Variants in REDIC1 observed in about 807,000 individuals in gnomAD.
REDIC1 encodes the protein regulator of DNA class I crossover intermediates 1.
chr12:39,784,614 T>TA, the REDIC1 span, among the ~76,000 whole-genome samples: 2 of 152,084 alleles, frequency 1.3e-5, no homozygotes, highest in African/African-American at 4.8e-5. Flanking sequence ...CCTAAAACCA[T>TA]AAAAACCCTA....
the REDIC1 span, among the ~76,000 whole-genome samples, chr12:39,900,941 C>G: frequency 6.6e-6 from 1 of 152,180 alleles, no homozygotes; most frequent in Admixed American, 6.5e-5. Flanking sequence ...TCAAACTATA[C>G]CACAAGGCAA....
At chr12:39,704,719 A>G in the REDIC1 span, among the ~76,000 whole-genome samples, 1 of 152,262 alleles carries the variant, frequency 6.6e-6, no homozygotes, top group Non-Finnish European at 1.5e-5. Flanking sequence ...TGGCACATAT[A>G]GAGCATGGAA....
the REDIC1 span, chr12:39,760,236 A>G: frequency 2.5e-6 from 4 of 1,612,204 alleles, no homozygotes; most frequent in Non-Finnish European, 3.4e-6. Flanking sequence ...CAAATCCAGC[A>G]TAGAGGAAGA....
chr12:39,845,221 A>G, the REDIC1 span, among the ~76,000 whole-genome samples: 1 of 151,772 alleles, frequency 6.6e-6, no homozygotes, highest in Non-Finnish European at 1.5e-5. Flanking sequence ...AGCACTCTAT[A>G]TTTTTTCTGC....
chr12:39,890,630 CTTTTAT>C, the REDIC1 span, among the ~76,000 whole-genome samples: 1 of 151,756 alleles, frequency 6.6e-6, no homozygotes, highest in African/African-American at 2.4e-5. Flanking sequence ...TTAAGGTTTT[CTTTTAT>C]TTTTAATTGA....
At chr12:39,860,235 A>T in the REDIC1 span, among the ~76,000 whole-genome samples, 1 of 152,348 alleles carries the variant, frequency 6.6e-6, no homozygotes, top group South Asian at 2.1e-4. Context: ...ATGTAAGTGT[A>T]GGTGTAAGAT....
At chr12:39,868,316 G>A in the REDIC1 span, among the ~76,000 whole-genome samples, 1 of 152,166 alleles carries the variant, frequency 6.6e-6, no homozygotes, top group Non-Finnish European at 1.5e-5. Context: ...AGTGAAAAGT[G>A]CTGAATAAAT....
At chr12:39,664,845 C>T in the REDIC1 span, among the ~76,000 whole-genome samples, 1 of 152,138 alleles carries the variant, frequency 6.6e-6, no homozygotes, top group Non-Finnish European at 1.5e-5. Context: ...AGCATTTTTT[C>T]ATGTGTCTGT....
chr12:39,713,492 G>T, the REDIC1 span, among the ~76,000 whole-genome samples: 1 of 149,360 alleles, frequency 6.7e-6, no homozygotes, highest in South Asian at 2.1e-4. Flanking sequence ...TTATACATTT[G>T]TACACATACA....
chr12:39,680,396 G>A, the REDIC1 span, among the ~76,000 whole-genome samples: 36 of 152,202 alleles, frequency 2.4e-4, no homozygotes, highest in Non-Finnish European at 4.7e-4. Context: ...CACTAAAGAT[G>A]GAGGAAATGC....
the REDIC1 span, among the ~76,000 whole-genome samples, chr12:39,837,835 G>A: frequency 6.6e-6 from 1 of 151,862 alleles, no homozygotes. Context: ...AAAAAGTCAG[G>A]AAACAACAGG....
chr12:39,767,340 G>C, the REDIC1 span, among the ~76,000 whole-genome samples: 1 of 151,426 alleles, frequency 6.6e-6, no homozygotes, highest in African/African-American at 2.4e-5. Flanking sequence ...CTCCATAGTG[G>C]CTTAAAATAT....
At chr12:39,896,995 G>A in the REDIC1 span, among the ~76,000 whole-genome samples, 1 of 152,056 alleles carries the variant, frequency 6.6e-6, no homozygotes, top group Non-Finnish European at 1.5e-5. Context: ...GAGGGGTTTA[G>A]TAAAAGAAAA....
chr12:39,906,658 T>C, the REDIC1 span, among the ~76,000 whole-genome samples: 1 of 152,048 alleles, frequency 6.6e-6, no homozygotes, highest in Admixed American at 6.6e-5. Flanking sequence ...AGGATGAGGA[T>C]GGGGTGGAGG....
the REDIC1 span, among the ~76,000 whole-genome samples, chr12:39,856,257 C>T: frequency 6.6e-6 from 1 of 152,142 alleles, no homozygotes; most frequent in Non-Finnish European, 1.5e-5. Context: ...ATCCATCCAT[C>T]CATTCATCCA....
the REDIC1 span, among the ~76,000 whole-genome samples, chr12:39,896,382 ATG>A: frequency 1.2e-4 from 16 of 128,870 alleles, no homozygotes; most frequent in African/African-American, 5.0e-4. Flanking sequence ...ACATATATGT[ATG>A]TATATGTGTA....
chr12:39,715,058 CTTTAG>C, the REDIC1 span, among the ~76,000 whole-genome samples: 1 of 151,902 alleles, frequency 6.6e-6, no homozygotes, highest in Non-Finnish European at 1.5e-5. Context: ...TGCAAAAGCT[CTTTAG>C]TTTAATTAGG....
At chr12:39,773,202 C>T in the REDIC1 span, among the ~76,000 whole-genome samples, 3 of 152,132 alleles carry the variant, frequency 2.0e-5, no homozygotes, top group Non-Finnish European at 4.4e-5. Flanking sequence ...AGAGCAAAAC[C>T]TGAAAATGAC....
At chr12:39,709,828 G>A in the REDIC1 span, among the ~76,000 whole-genome samples, 1 of 151,644 alleles carries the variant, frequency 6.6e-6, no homozygotes, top group Admixed American at 6.6e-5. Flanking sequence ...TCTTCTATTA[G>A]ATATATACTC....
Sources: gnomAD v4.1 joint callset for allele counts (sites outside exome capture counted in the v4.1 genomes callset) on GRCh38, gnomAD v4.1.1 for gene constraint, MANE v1.5 for transcripts, NCBI Gene and HGNC (gene_info 2026-07-23, HGNC 2026-07-21) for gene names.